CACNA2D3: variants seen among roughly 807,000 people sequenced by gnomAD.
CACNA2D3 encodes the protein calcium voltage-gated channel auxiliary subunit alpha2delta 3, also known as voltage-dependent calcium channel subunit alpha-2/delta-3.
In CACNA2D3, 60 loss-of-function variants were observed where a neutral mutation model predicts 160.6. The ratio of observed to expected loss-of-function variants is 0.37; its 90% CI spans 0.30 to 0.46. CACNA2D3 has a LOEUF of 0.46. Among genes scored for constraint, CACNA2D3 ranks in the 20% least tolerant of loss-of-function variants. The pLI, the probability that CACNA2D3 is intolerant of heterozygous loss-of-function variation, is 1.00. For synonymous variants in CACNA2D3, 558 were observed against 492.9 expected, an observed-to-expected ratio of 1.13 and a Z score of -1.75; for missense variants, 1,205 against 1,365.0, an observed-to-expected ratio of 0.88 and a Z score of 1.85.
chr3:54,323,073 C>T (rs928391098), intron 3 of CACNA2D3, among the ~76,000 whole-genome samples: 12 of 152,078 alleles, frequency 7.9e-5, no homozygotes, highest in Non-Finnish European at 1.5e-4. Context: ...TTGTATGTCA[C>T]GTAGGGGTTT....
intron 5 of CACNA2D3, among the ~76,000 whole-genome samples, chr3:54,550,747 G>A (rs1336981242): frequency 1.3e-5 from 2 of 152,164 alleles, no homozygotes; most frequent in African/African-American, 4.8e-5. Context: ...CCGTGGTATA[G>A]TGATTCTGCA....
intron 4 of CACNA2D3, among the ~76,000 whole-genome samples, chr3:54,424,096 CTGTGTGTG>C (rs139815622): frequency 6.6e-6 from 1 of 151,278 alleles, no homozygotes; most frequent in South Asian, 2.1e-4. Flanking sequence ...TGGGTAGTGT[CTGTGTGTG>C]TGTGTGTTTG....
chr3:55,012,202 A>T (rs934068455), intron 34 of CACNA2D3, among the ~76,000 whole-genome samples: 1 of 152,178 alleles, frequency 6.6e-6, no homozygotes, highest in Non-Finnish European at 1.5e-5. Context: ...GAAACAATAG[A>T]CATAATATGG....
intron 5 of CACNA2D3, among the ~76,000 whole-genome samples, chr3:54,516,737 G>T (rs1701557498): frequency 6.6e-6 from 1 of 152,170 alleles, no homozygotes; most frequent in African/African-American, 2.4e-5. Flanking sequence ...CTTTATTCAA[G>T]TCCCAGGCTG....
At chr3:54,758,139 T>C (rs1466925486) in intron 12 of CACNA2D3, among the ~76,000 whole-genome samples, 1 of 152,098 alleles carries the variant, frequency 6.6e-6, no homozygotes, top group Non-Finnish European at 1.5e-5. Context: ...TGTTTCAGAG[T>C]TGGGGACATT....
At chr3:54,323,756 G>T (rs1009975632) in intron 3 of CACNA2D3, among the ~76,000 whole-genome samples, 5 of 152,204 alleles carry the variant, frequency 3.3e-5, no homozygotes, top group African/African-American at 1.2e-4. Flanking sequence ...GTGAGCCACC[G>T]TGCTGGGCCC....
intron 2 of CACNA2D3, among the ~76,000 whole-genome samples, chr3:54,250,237 T>C (rs1251537921): frequency 2.0e-5 from 3 of 152,164 alleles, no homozygotes; most frequent in African/African-American, 7.2e-5. Context: ...AACACAGAAC[T>C]ATAAATCTGG....
intron 3 of CACNA2D3, among the ~76,000 whole-genome samples, chr3:54,360,845 A>G (rs1391669433): frequency 6.6e-6 from 1 of 152,180 alleles, no homozygotes; most frequent in Non-Finnish European, 1.5e-5. Flanking sequence ...ACAGATTTAT[A>G]TGGTCCAATC....
At chr3:54,612,667 G>A (rs1407375062) in intron 9 of CACNA2D3, among the ~76,000 whole-genome samples, 2 of 152,166 alleles carry the variant, frequency 1.3e-5, no homozygotes, top group Admixed American at 6.5e-5. Flanking sequence ...GAAATCTACT[G>A]CCTACCAGGT....
intron 9 of CACNA2D3, among the ~76,000 whole-genome samples, chr3:54,624,524 A>G (rs1699053971): frequency 6.6e-6 from 1 of 152,192 alleles, no homozygotes; most frequent in Non-Finnish European, 1.5e-5. Context: ...CTGGAGGCTG[A>G]GGCAGGAGAA....
At chr3:54,330,023 AT>A (rs1279117601) in intron 3 of CACNA2D3, among the ~76,000 whole-genome samples, 2 of 152,188 alleles carry the variant, frequency 1.3e-5, no homozygotes, top group African/African-American at 4.8e-5. Flanking sequence ...TTGGCATTTC[AT>A]TTACACTGCA....
At chr3:54,582,530 G>A (rs115630374) in intron 9 of CACNA2D3, among the ~76,000 whole-genome samples, 1,803 of 152,126 alleles carry the variant, frequency 0.012, 38 homozygotes, top group African/African-American at 0.042. Context: ...TACAGCTACC[G>A]CAACCACCAC....
chr3:54,514,653 G>T (rs535602282), intron 5 of CACNA2D3, among the ~76,000 whole-genome samples: 1 of 152,158 alleles, frequency 6.6e-6, no homozygotes, highest in Non-Finnish European at 1.5e-5. Context: ...TACAGTAAGA[G>T]TGTATCCCAC....
At chr3:54,222,579 T>C (rs1419412737) in intron 2 of CACNA2D3, among the ~76,000 whole-genome samples, 1 of 152,230 alleles carries the variant, frequency 6.6e-6, no homozygotes, top group Non-Finnish European at 1.5e-5. Flanking sequence ...CCCAGTCAAG[T>C]TGACAAATAA....
intron 2 of CACNA2D3, among the ~76,000 whole-genome samples, chr3:54,205,862 A>G (rs1427288385): frequency 9.2e-5 from 14 of 152,228 alleles, no homozygotes. Context: ...GATAAGATGC[A>G]GGATGCCTAC....
intron 11 of CACNA2D3, among the ~76,000 whole-genome samples, chr3:54,665,341 A>G (rs1346894610): frequency 1.3e-5 from 2 of 152,260 alleles, no homozygotes; most frequent in African/African-American, 2.4e-5. Flanking sequence ...GAATAAGCTC[A>G]AGATAATGAA....
chr3:54,696,671 C>T (rs1326352234), intron 11 of CACNA2D3, among the ~76,000 whole-genome samples: 1 of 152,188 alleles, frequency 6.6e-6, no homozygotes, highest in African/African-American at 2.4e-5. Context: ...ACCATCATCA[C>T]ATTACTTAGC....
chr3:54,904,725 A>G (rs1355328507), intron 27 of CACNA2D3, among the ~76,000 whole-genome samples: 1 of 152,232 alleles, frequency 6.6e-6, no homozygotes, highest in East Asian at 1.9e-4. Flanking sequence ...GGATAAATAC[A>G]TGATTCAAGG....
chr3:54,311,445 A>G (rs1262252164), intron 2 of CACNA2D3, among the ~76,000 whole-genome samples: 2 of 152,196 alleles, frequency 1.3e-5, no homozygotes, highest in Non-Finnish European at 2.9e-5. Context: ...TATGCTGCAT[A>G]GGCATCCCCT....
Sources: allele counts gnomAD v4.1 joint callset (sites outside exome capture counted in the v4.1 genomes callset), GRCh38; gene constraint gnomAD v4.1.1; transcripts MANE v1.5; gene names NCBI Gene and HGNC (gene_info 2026-07-23, HGNC 2026-07-21).